Variants in STAB2 observed in about 807,000 individuals in gnomAD.
STAB2 encodes stabilin-2.
A neutral mutation model predicts 338.1 loss-of-function variants in STAB2; 288 were observed. The observed-to-expected ratio is 0.85, with a 90% confidence interval of 0.77 to 0.94. STAB2 has a LOEUF of 0.94. STAB2 is among the 40% of genes least tolerant of loss of function. STAB2 has a pLI of 0.00. For missense variants in STAB2, 3,141 were observed against 3,210.1 expected (o/e 0.98, Z 0.52); for synonymous variants, 1,202 against 1,193.3 (o/e 1.01, Z -0.15).
chr12:103,667,452 A>G (rs1284194679), intron 19 of STAB2, among the ~76,000 whole-genome samples: 1 of 152,230 alleles, frequency 6.6e-6, no homozygotes, highest in Admixed American at 6.5e-5. Flanking sequence ...CACCTTGTAC[A>G]AGGTCACACA....
chr12:103,715,816 AATC>A lies in STAB2; in HGVS notation c.4541_4543del (p.Ile1514del). On this transcript the variant is annotated inframe_deletion and splice_region_variant, in exon 43 of 69. Transcript: ENST00000388887. ...AGATGTTGGCTTTTTGTTTTAAAGA[AATC>A]AACCCGTGTTTGGAGAACCATGGTG... 1 of 1,614,086 alleles carries A rather than the reference AATC, an allele frequency of 6.2e-7. No homozygotes were observed. Among genetic ancestry groups the A allele is most frequent in the South Asian group, 1.1e-5 (1 of 91,072 alleles).
intron 24 of STAB2, 37 bp downstream of exon 24, chr12:103,676,058 C>CTTTTTTTTTT (rs35874368): frequency 4.5e-6 from 3 of 669,364 alleles, no homozygotes; most frequent in South Asian, 2.2e-5. Context: ...TGCCTGGTTT[C>CTTTTTTTTTT]TTTTTTTTTT....
In STAB2 at chr12:103,703,036, T is replaced by G. The variant is rs890831876; in HGVS notation, c.3715-112T>G. 6 of 1,215,652 alleles carry G rather than the reference T, an allele frequency of 4.9e-6. No homozygotes were observed. In the African/African-American group the frequency reaches 6.1e-5, roughly 12 times the overall value. 75.3% of individuals were successfully genotyped at this position (1,215,652 alleles called of 1,614,324 possible). A position where few individuals can be genotyped will look rare whatever the true frequency, so the allele number is the denominator to read the frequency against. On this transcript the variant is annotated intron_variant, in intron 34 of 68. Transcript: ENST00000388887. ...TACAAGTGACTATTATATCTCCAGG[T>G]GAATATTGTAATATCTCCTAGGCAA...
At chr12:103,746,771 G>A in intron 58 of STAB2, 67 bp downstream of exon 58, 1 of 1,507,514 alleles carries the variant, frequency 6.6e-7, no homozygotes, top group Non-Finnish European at 9.2e-7. Flanking sequence ...CTTGCTCACA[G>A]TGCCTGGGCT....
At chr12:103,667,689 A>G (rs1193405697) in intron 19 of STAB2, among the ~76,000 whole-genome samples, 2 of 152,224 alleles carry the variant, frequency 1.3e-5, no homozygotes, top group Non-Finnish European at 2.9e-5. Context: ...CAGTGACCTC[A>G]GAATTCCTTC....
intron 6 of STAB2, 110 bp downstream of exon 6, chr12:103,631,803 A>C (rs1387172121): frequency 1.3e-5 from 13 of 979,496 alleles, no homozygotes; most frequent in Non-Finnish European, 1.9e-5. Context: ...GTACTACCAA[A>C]AGTTTTCTGG....
At position 103,731,586 on chromosome 12, in the gene STAB2, C is replaced by T. The variant is rs777295863; in HGVS notation, c.5234C>T (p.Thr1745Met). 3.1e-5 allele frequency: 50 copies of T among 1,613,510 alleles called. No homozygotes were observed. The highest frequency in any genetic ancestry group is 1.5e-4 in the African/African-American group (11 of 74,890). Residue 1745 changes from threonine to methionine, a missense_variant, in exon 50 of 69, where the codon ACG becomes ATG. Physicochemically the swap from Thr to Met is moderately conservative, Grantham distance 81. Transcript: ENST00000388887. ...TTATTATCTTTGCAGCAAAATCTTA[C>T]GACTTTGGCAACAAACAATGGCTAC... ...DNSGRILQNL[T>M]TLATNNGYIK...
chr12:103,655,543 A>C lies in STAB2; in HGVS notation c.1696A>C (p.Met566Leu), dbSNP rs1565988319. The change falls in exon 15 of 69, where the codon ATG becomes CTG. Residue 566 changes from methionine to leucine, a missense_variant. Coordinates refer to ENST00000388887, the MANE Select transcript of STAB2 (RefSeq NM_017564.10). ...TCCAAATAATGAAGCATTGAATAAC[A>C]TGAAGGACGGCACTCTCGATTACCT... ...FVPNNEALNN[M>L]KDGTLDYLLS... The C allele has an allele frequency of 1.2e-6, 2 of 1,613,840 alleles. No individual in the cohort carries two copies.
chr12:103,688,873 C>T (rs1298230520), intron 28 of STAB2, among the ~76,000 whole-genome samples: 1 of 152,206 alleles, frequency 6.6e-6, no homozygotes, highest in African/African-American at 2.4e-5. Context: ...ACCCTGTTCA[C>T]ACTCACTCAC....
At chr12:103,621,618 G>A (rs1957303546) in intron 4 of STAB2, among the ~76,000 whole-genome samples, 1 of 152,218 alleles carries the variant, frequency 6.6e-6, no homozygotes, top group East Asian at 1.9e-4. Context: ...TGTAATCCCA[G>A]CTACTCGGGA....
chr12:103,745,952 T>C (rs1464291340), intron 57 of STAB2, among the ~76,000 whole-genome samples: 4 of 152,204 alleles, frequency 2.6e-5, no homozygotes, highest in African/African-American at 9.7e-5. Flanking sequence ...AGATCTGAAA[T>C]GTGCTGGTTG....
chr12:103,618,522 A>G (rs1201233229), intron 3 of STAB2, among the ~76,000 whole-genome samples: 1 of 152,194 alleles, frequency 6.6e-6, no homozygotes, highest in South Asian at 2.1e-4. Flanking sequence ...CTGATTTCAC[A>G]TGCCACAGGG....
At chr12:103,636,980 C>T (rs1266349962) in intron 6 of STAB2, 131 bp from the exon 7 acceptor site, 8 of 969,666 alleles carry the variant, frequency 8.3e-6, no homozygotes, top group Admixed American at 6.4e-5. Context: ...TTTAACTTAA[C>T]GTGTTCTGTA....
At chr12:103,591,170 C>T (rs1956792327) in intron 2 of STAB2, 140 bp downstream of exon 2, 2 of 1,139,126 alleles carry the variant, frequency 1.8e-6, no homozygotes, top group Non-Finnish European at 2.5e-6. Context: ...AATTTATGAA[C>T]TTAAGTCTAA....
chr12:103,620,561 C>CA lies in STAB2; in HGVS notation c.417+13dup. 3.2e-6 allele frequency: 5 copies of CA among 1,555,860 alleles called. No homozygotes were observed. Among genetic ancestry groups the CA allele is most frequent in the Non-Finnish European group, 4.4e-6 (5 of 1,149,022 alleles). On this transcript the variant is annotated intron_variant, in intron 4 of 68. Transcript: ENST00000388887. ...GGAACCTGCTCCTGCCAAGTAAGTT[C>CA]AAAAATGTGTTCTTCCTTTCCTGGT...
intron 9 of STAB2, 64 bp downstream of exon 9, chr12:103,640,320 G>C: frequency 2.6e-6 from 4 of 1,567,348 alleles, no homozygotes; most frequent in Non-Finnish European, 3.5e-6. Flanking sequence ...AGTCATTGCT[G>C]TAAGTTTCTT....
At chr12:103,693,170 G>C (rs1427436690) in intron 31 of STAB2, among the ~76,000 whole-genome samples, 2 of 152,116 alleles carry the variant, frequency 1.3e-5, no homozygotes, top group Non-Finnish European at 2.9e-5. Flanking sequence ...AAAGACACTT[G>C]AGGCCAGGTG....
At chr12:103,660,608 A>G (rs1260186634) in intron 16 of STAB2, 75 bp from the exon 17 acceptor site, 1 of 1,499,220 alleles carries the variant, frequency 6.7e-7, no homozygotes, top group Non-Finnish European at 9.3e-7. Context: ...TATTTTTTCT[A>G]GTGAGGACTT....
chr12:103,735,411 G>T, intron 51 of STAB2, 80 bp from the exon 52 acceptor site: 3 of 1,023,572 alleles, frequency 2.9e-6, no homozygotes, highest in South Asian at 3.7e-5. Flanking sequence ...TCTGAATTTG[G>T]TTTTTTGGTA....
Sources: gnomAD v4.1 joint callset for allele counts (sites outside exome capture counted in the v4.1 genomes callset) on GRCh38, gnomAD v4.1.1 for gene constraint, MANE v1.5 for transcripts, NCBI Gene and HGNC (gene_info 2026-07-23, HGNC 2026-07-21) for gene names.